ZNF236: variants seen among roughly 807,000 people sequenced by gnomAD.
ZNF236 encodes the protein zinc finger protein 236, also known as regulated by glucose.
Under a neutral mutation model 191.2 loss-of-function variants are expected in ZNF236, and 50 were observed. The observed-to-expected ratio is 0.26, with a 90% confidence interval of 0.21 to 0.33. ZNF236 has a LOEUF of 0.33. ZNF236 is among the 10% of genes least tolerant of loss of function. The probability of loss-of-function intolerance (pLI) is 1.00; values close to 1 mark genes in which losing one functional copy is unlikely to be tolerated. For missense variants in ZNF236, 1,754 were observed against 2,374.5 expected, an observed-to-expected ratio of 0.74 and a Z score of 5.43; for synonymous variants, 907 against 928.8, an observed-to-expected ratio of 0.98 and a Z score of 0.43.
intron 3 of ZNF236, among the ~76,000 whole-genome samples, chr18:76,862,211 C>G (rs1239142716): frequency 3.9e-5 from 6 of 152,060 alleles, no homozygotes; most frequent in Admixed American, 6.5e-5. Context: ...TTTGAAGAAG[C>G]CTGCAGCCTT....
At chr18:76,864,734 C>T (rs1471702728) in intron 3 of ZNF236, among the ~76,000 whole-genome samples, 4 of 150,774 alleles carry the variant, frequency 2.7e-5, no homozygotes, top group South Asian at 2.1e-4. Flanking sequence ...AGAGGGAAAA[C>T]GGTACAAGAC....
chr18:76,881,551 A>G (rs1309626584), intron 9 of ZNF236, 39 bp downstream of exon 9: 1 of 1,552,700 alleles, frequency 6.4e-7, no homozygotes, highest in Non-Finnish European at 8.7e-7. Context: ...CATTTGGGAT[A>G]GCATATTGCT....
chr18:76,947,858 G>T (rs147401970), intron 27 of ZNF236, among the ~76,000 whole-genome samples: 51 of 152,176 alleles, frequency 3.4e-4, no homozygotes, highest in Non-Finnish European at 6.2e-4. Flanking sequence ...CATTCGTTTT[G>T]TGATTTGTTT....
rs1021394596 is a variant in ZNF236, at chr18:76,968,990, C to T, written c.*651C>T. 6 of 985,702 alleles carry T rather than the reference C, an allele frequency of 6.1e-6. No homozygotes were observed. The highest frequency in any genetic ancestry group is 1.7e-5 in the African/African-American group (1 of 57,222). The allele number at this position is 985,702 out of a possible 1,614,324, so 61.1% of individuals were successfully genotyped here. ...TATCTGGGGCGTCAACATGGGGACT[C>T]GAGTAAACCTGACCCACCAATAAGG... On this transcript the variant is annotated 3_prime_UTR_variant, in exon 31 of 31. Coordinates refer to ENST00000320610, the MANE Select transcript of ZNF236 (RefSeq NM_001306089.2).
chr18:76,967,404 A>T (rs1599434119), intron 30 of ZNF236, among the ~76,000 whole-genome samples: 1 of 133,862 alleles, frequency 7.5e-6, no homozygotes, highest in African/African-American at 2.9e-5. Flanking sequence ...TGGTTGTTGG[A>T]GGTGGTGTGA....
chr18:76,892,540 T>C (rs1178932837), intron 9 of ZNF236, among the ~76,000 whole-genome samples: 1 of 152,016 alleles, frequency 6.6e-6, no homozygotes, highest in South Asian at 2.1e-4. Flanking sequence ...TGAGTATATA[T>C]CCTTTACTTT....
chr18:76,897,507 G>A (rs1023984824), intron 10 of ZNF236, among the ~76,000 whole-genome samples: 2 of 150,758 alleles, frequency 1.3e-5, no homozygotes, highest in African/African-American at 4.9e-5. Context: ...CACACACACA[G>A]TATTGCACTT....
At position 76,877,985 on chromosome 18, in the gene ZNF236, T is replaced by A. The variant is rs1483672268; in HGVS notation, c.841-24T>A. 2.0e-6 allele frequency: 3 copies of A among 1,515,482 alleles called. No individual in the cohort carries two copies. In the Admixed American group the frequency reaches 6.0e-5, roughly 30 times the overall value. The allele number at this position is 1,515,482 out of a possible 1,614,324, so 93.9% of individuals were successfully genotyped here. ...TTTAACAATTAATTGTAAAACATCATTTTTTTCCTTTTTATTCTTTAAGGT... is the reference window on the plus strand; with the variant it reads ...TTTAACAATTAATTGTAAAACATCAATTTTTTCCTTTTTATTCTTTAAGGT... On this transcript the variant is annotated intron_variant, in intron 6 of 30. Transcript: ENST00000320610.
intron 28 of ZNF236, 95 bp downstream of exon 28, chr18:76,956,277 T>C: frequency 6.9e-7 from 1 of 1,454,444 alleles, no homozygotes; most frequent in South Asian, 1.2e-5. Context: ...CTGGCATGTG[T>C]TTTTGAGGAA....
At chr18:76,859,378 T>G (rs1193856359) in intron 3 of ZNF236, among the ~76,000 whole-genome samples, 1 of 152,066 alleles carries the variant, frequency 6.6e-6, no homozygotes, top group African/African-American at 2.4e-5. Context: ...CTCATGAAGT[T>G]TTTTATAGAC....
Position 76,919,382 on chromosome 18 carries a change from C to G in ZNF236, c.3275-394C>G, listed in dbSNP as rs1222598500. Among the ~76,000 whole-genome samples, 1 of 152,138 alleles carries G rather than the reference C, an allele frequency of 6.6e-6. No individual in the cohort carries two copies. The highest frequency in any genetic ancestry group is 2.4e-5 in the African/African-American group (1 of 41,416). On this transcript the variant is annotated intron_variant, in intron 19 of 30. Coordinates refer to ENST00000320610, the MANE Select transcript of ZNF236 (RefSeq NM_001306089.2). The surrounding 1 kb of genome is among the most constrained non-coding windows in gnomAD (Gnocchi z 5.3). The stretch of plus-strand genomic sequence containing the variant: ...ATCAAATCAGAGTACTTGGGGTATT[C>G]ATCACCTTAAGTATTTAGCAGTTTC...
chr18:76,881,929 T>G (rs1213207772), intron 9 of ZNF236, among the ~76,000 whole-genome samples: 1 of 152,192 alleles, frequency 6.6e-6, no homozygotes, highest in African/African-American at 2.4e-5. Context: ...CTCTGACTAG[T>G]CCTTTCCTCT....
intron 3 of ZNF236, among the ~76,000 whole-genome samples, chr18:76,856,878 T>A (rs1291183639): frequency 6.6e-6 from 1 of 152,198 alleles, no homozygotes; most frequent in Non-Finnish European, 1.5e-5. Context: ...TGATTAGAAA[T>A]GCTTCCCAAT....
At chr18:76,829,487 C>A (rs1242267063) in intron 1 of ZNF236, among the ~76,000 whole-genome samples, 1 of 152,058 alleles carries the variant, frequency 6.6e-6, no homozygotes. Flanking sequence ...GCTACTACGC[C>A]CGGCTAATTT....
intron 30 of ZNF236, among the ~76,000 whole-genome samples, chr18:76,967,842 T>A (rs532976158): frequency 1.3e-5 from 2 of 152,148 alleles, no homozygotes; most frequent in African/African-American, 4.8e-5. Flanking sequence ...TGTGGGGAGT[T>A]TTTGAGGAAG....
At chr18:76,867,335 TA>T (rs1336587046) in intron 3 of ZNF236, among the ~76,000 whole-genome samples, 1 of 152,122 alleles carries the variant, frequency 6.6e-6, no homozygotes, top group Non-Finnish European at 1.5e-5. Flanking sequence ...AGTAGTTTAT[TA>T]TTTCCTTAAA....
At chr18:76,887,832 C>G (rs1320790900) in intron 9 of ZNF236, 1 of 152,182 alleles carries the variant, frequency 6.6e-6, no homozygotes, top group African/African-American at 2.4e-5. Flanking sequence ...CCCACCAGGT[C>G]CCTCCCACGA....
Position 76,851,897 on chromosome 18 carries a change from G to A in ZNF236, c.321G>A (p.Val107=), listed in dbSNP as rs750969932. 3.7e-6 allele frequency: 6 copies of A among 1,613,446 alleles called. No individual in the cohort carries two copies. Among genetic ancestry groups the A allele is most frequent in the Non-Finnish European group, 4.2e-6 (5 of 1,179,774 alleles). The change falls in exon 3 of 31, where the codon GTG becomes GTA. Residue 107 remains valine (V), a synonymous_variant. Coordinates refer to ENST00000320610, the MANE Select transcript of ZNF236 (RefSeq NM_001306089.2). The part of the protein sequence containing the change: ...CPVCNKKFSR[V]ASLKAHIMLH... ...TGTGTAACAAGAAATTCTCCAGAGT[G>A]GCTAGTCTCAAAGCGCATATTATGC... is the stretch of plus-strand genomic sequence containing the variant.
chr18:76,957,190 CT>C (rs932243455), intron 28 of ZNF236, among the ~76,000 whole-genome samples: 2 of 152,082 alleles, frequency 1.3e-5, no homozygotes, highest in Non-Finnish European at 2.9e-5. Context: ...TGTCTGTTGT[CT>C]TTTAATGAGT....
Sources: gnomAD v4.1 joint callset for allele counts (sites outside exome capture counted in the v4.1 genomes callset) on GRCh38, gnomAD v4.1.1 for gene constraint, Gnocchi (gnomAD v3.1) non-coding constraint, MANE v1.5 for transcripts, NCBI Gene and HGNC (gene_info 2026-07-23, HGNC 2026-07-21) for gene names.